Variants in CCPG1 observed in about 807,000 individuals in gnomAD.
CCPG1 encodes the protein cell cycle progression 1.
A neutral mutation model predicts 81.3 loss-of-function variants in CCPG1; 46 were observed. The ratio of observed to expected loss-of-function variants is 0.57; its 90% CI spans 0.45 to 0.72. The LOEUF is 0.72. Ranked by LOEUF, CCPG1 falls within the 30% of genes least tolerant of loss-of-function variation. The pLI is 0.00. For synonymous variants in CCPG1, 330 were observed against 305.2 expected (o/e 1.08, Z -0.85); for missense variants, 902 against 937.6 (o/e 0.96, Z 0.50).
chr15:55,384,840 GAATAA>G (rs1170322695), intron 3 of CCPG1, among the ~76,000 whole-genome samples: 2 of 152,096 alleles, frequency 1.3e-5, no homozygotes, highest in Admixed American at 6.5e-5. Context: ...AAGCAAAGCA[GAATAA>G]AATGAGAGGC....
At chr15:55,379,310 G>C (rs1361870712) in intron 3 of CCPG1, among the ~76,000 whole-genome samples, 1 of 151,800 alleles carries the variant, frequency 6.6e-6, no homozygotes, top group Admixed American at 6.6e-5. Flanking sequence ...ACTGCTTGAC[G>C]CTACAAGTTC....
At chr15:55,356,769 A>C in intron 8 of CCPG1, 1 of 1,005,916 alleles carries the variant, frequency 9.9e-7, no homozygotes, top group Non-Finnish European at 1.2e-6. Context: ...ATACATACAC[A>C]TCTCTCACAA....
intron 5 of CCPG1, chr15:55,372,318 C>T (rs2056466863): frequency 2.2e-6 from 1 of 456,772 alleles, no homozygotes; most frequent in Non-Finnish European, 4.0e-6. Flanking sequence ...TAATCCTCCT[C>T]GCCTTATAGT....
chr15:55,370,728 T>C (rs1378805067), intron 6 of CCPG1, among the ~76,000 whole-genome samples: 1 of 151,634 alleles, frequency 6.6e-6, no homozygotes, highest in Non-Finnish European at 1.5e-5. Context: ...TACAAAAAAA[T>C]TAGCTGGGCG....
chr15:55,394,027 G>C lies in CCPG1; in HGVS notation c.-9-4594C>G, dbSNP rs572987096. 6.4e-4 allele frequency among the ~76,000 whole-genome samples: 97 copies of C among 152,148 alleles called. 1 individual carries two copies. The highest frequency in any genetic ancestry group is 1.2e-3 in the Non-Finnish European group (82 of 67,994). On this transcript the variant is annotated intron_variant, in intron 1 of 8. Transcript: ENST00000442196. ...GTCTGTGTGTTTTGTCCAGTTCTTT[G>C]TTCAAGATGCCAAGAACCTGGACAC...
intron 7 of CCPG1, among the ~76,000 whole-genome samples, chr15:55,363,134 G>A (rs1366005573): frequency 6.6e-6 from 1 of 151,948 alleles, no homozygotes; most frequent in Non-Finnish European, 1.5e-5. Context: ...GATTACCTGA[G>A]GTCAGGAGTT....
At chr15:55,357,343 C>A in intron 8 of CCPG1, 1 of 985,346 alleles carries the variant, frequency 1.0e-6, no homozygotes, top group Non-Finnish European at 1.2e-6. Flanking sequence ...CCTTTCCTCT[C>A]CTACTAGTAT....
chr15:55,378,392 G>A lies in CCPG1; in HGVS notation c.176-16C>T. On this transcript the variant is annotated splice_polypyrimidine_tract_variant and intron_variant, in intron 3 of 8. Transcript: ENST00000442196. ...TGGCTGCTTTCTGATATAAAGCAAA[G>A]ATCAATATAATTATTTCTTAATTTA... 1 of 1,517,426 alleles carries A rather than the reference G, an allele frequency of 6.6e-7. No homozygotes were observed. The highest frequency in any genetic ancestry group is 9.1e-7 in the Non-Finnish European group (1 of 1,098,752). The allele number at this position is 1,517,426 out of a possible 1,614,324, so 94.0% of individuals were successfully genotyped here.
At chr15:55,383,600 G>C (rs2056743840) in intron 3 of CCPG1, among the ~76,000 whole-genome samples, 1 of 152,202 alleles carries the variant, frequency 6.6e-6, no homozygotes, top group Non-Finnish European at 1.5e-5. Context: ...GCTGGTTGGG[G>C]TAGCCACCTT....
intron 1 of CCPG1, among the ~76,000 whole-genome samples, chr15:55,390,826 A>T (rs550068341): frequency 2.0e-5 from 3 of 152,202 alleles, no homozygotes; most frequent in Non-Finnish European, 4.4e-5. Flanking sequence ...ATTATTCAAA[A>T]CCTGAAATAA....
At chr15:55,388,782 C>G (rs1303333947) in intron 2 of CCPG1, among the ~76,000 whole-genome samples, 8 of 136,058 alleles carry the variant, frequency 5.9e-5, no homozygotes, top group Non-Finnish European at 4.8e-5. Context: ...AAAAAAAAGA[C>G]AAAATTGGCC....
intron 7 of CCPG1, among the ~76,000 whole-genome samples, chr15:55,363,799 CTTTT>C (rs565044184): frequency 0.23 from 21,748 of 92,832 alleles, 2,109 homozygotes; most frequent in Non-Finnish European, 0.3. Flanking sequence ...TTTCCTTTTC[CTTTT>C]TTTTTTTTTT....
In CCPG1 at chr15:55,389,339, CT is replaced by C. The variant is rs752427980; in HGVS notation, c.60+25del. On this transcript the variant is annotated intron_variant, in intron 2 of 8. Coordinates refer to ENST00000442196, the MANE Select transcript of CCPG1 (RefSeq NM_001204450.2). ...TGGTAACATTAATATTACAAATTACCTTATAAAAAGTATTAAATATCATACC... is the reference window on the plus strand; with the variant it reads ...TGGTAACATTAATATTACAAATTACCTATAAAAAGTATTAAATATCATACC... 3.4e-6 allele frequency: 5 copies of C among 1,476,312 alleles called. No individual in the cohort carries two copies. The African/African-American group carries it at 5.5e-5, about 16-fold the overall frequency. The allele number at this position is 1,476,312 out of a possible 1,614,324, so 91.5% of individuals were successfully genotyped here.
intron 8 of CCPG1, chr15:55,357,286 TCTC>T (rs2056099900): frequency 4.1e-6 from 4 of 981,828 alleles, no homozygotes; most frequent in Admixed American, 6.2e-5. Context: ...ACTTTCTACT[TCTC>T]CTTCACAAGA....
intron 6 of CCPG1, among the ~76,000 whole-genome samples, chr15:55,368,259 A>T (rs2056372292): frequency 2.0e-5 from 3 of 152,068 alleles, no homozygotes; most frequent in African/African-American, 7.2e-5. Flanking sequence ...AAATACCTAC[A>T]CTCTGCTGTA....
chr15:55,379,933 T>C (rs193062036), intron 3 of CCPG1, among the ~76,000 whole-genome samples: 1 of 151,960 alleles, frequency 6.6e-6, no homozygotes, highest in African/African-American at 2.4e-5. Flanking sequence ...ACCCCGTTTC[T>C]ACTAAAAATA....
intron 1 of CCPG1, among the ~76,000 whole-genome samples, chr15:55,401,168 A>G (rs2057122333): frequency 6.6e-6 from 1 of 152,178 alleles, no homozygotes. Context: ...TAAACCAAAT[A>G]TTGAATATTC....
intron 1 of CCPG1, among the ~76,000 whole-genome samples, chr15:55,396,795 C>G (rs1275774256): frequency 6.6e-6 from 1 of 152,142 alleles, no homozygotes; most frequent in Non-Finnish European, 1.5e-5. Flanking sequence ...ATACAGTTAA[C>G]TGGAGGAAGA....
In CCPG1 at chr15:55,389,377, G is replaced by C; in HGVS notation, c.48C>G (p.Val16=). ...TTAAATATCATACCTCATGACTGATGACAGTCCAACCACAAGATGAATCAC... is the reference window on the plus strand; with the variant it reads ...TTAAATATCATACCTCATGACTGATCACAGTCCAACCACAAGATGAATCAC... ...SDSDSSCGWT[V]ISHEGSDIEM... The change falls in exon 2 of 9, where the codon GTC becomes GTG. Residue 16 remains valine (V), a synonymous_variant. Coordinates refer to ENST00000442196, the MANE Select transcript of CCPG1 (RefSeq NM_001204450.2). 1 of 1,606,440 alleles carries C rather than the reference G, an allele frequency of 6.2e-7. No individual in the cohort carries two copies. Among genetic ancestry groups the C allele is most frequent in the Non-Finnish European group, 8.5e-7 (1 of 1,173,196 alleles).
Sources: allele counts gnomAD v4.1 joint callset (sites outside exome capture counted in the v4.1 genomes callset), GRCh38; gene constraint gnomAD v4.1.1; transcripts MANE v1.5; gene names NCBI Gene and HGNC (gene_info 2026-07-23, HGNC 2026-07-21).